Variants in RGS6 observed in about 807,000 individuals in gnomAD.
RGS6 encodes regulator of G-protein signaling 6.
RGS6 carries 30 observed loss-of-function variants against 78.5 expected under a neutral mutation model. The ratio of observed to expected loss-of-function variants is 0.38; its 90% CI spans 0.29 to 0.52. The LOEUF is 0.52. Ranked by LOEUF, RGS6 falls within the 20% of genes least tolerant of loss-of-function variation. The pLI is 0.85. For missense variants in RGS6, 495 were observed against 609.7 expected (o/e 0.81, Z 1.98); for synonymous variants, 206 against 206.0 (o/e 1.00, Z 0.00).
chr14:72,361,336 GC>G (rs941081536), intron 3 of RGS6, among the ~76,000 whole-genome samples: 3 of 152,120 alleles, frequency 2.0e-5, no homozygotes, highest in African/African-American at 7.2e-5. Flanking sequence ...TAAAATGATT[GC>G]CCATTACATT....
intron 17 of RGS6, among the ~76,000 whole-genome samples, chr14:72,560,748 A>C (rs547153454): frequency 6.6e-6 from 1 of 151,464 alleles, no homozygotes; most frequent in African/African-American, 2.4e-5. Flanking sequence ...GGCTAAGTTT[A>C]GTGCACTTGA....
intron 3 of RGS6, among the ~76,000 whole-genome samples, chr14:72,407,628 G>A (rs1327240644): frequency 6.6e-6 from 1 of 152,212 alleles, no homozygotes; most frequent in Non-Finnish European, 1.5e-5. Context: ...TAAACCGGGA[G>A]AGGCTTCTAA....
At chr14:72,260,978 G>T (rs1234062387) in intron 2 of RGS6, among the ~76,000 whole-genome samples, 2 of 152,174 alleles carry the variant, frequency 1.3e-5, no homozygotes, top group Non-Finnish European at 2.9e-5. Flanking sequence ...TTGTCCAGAG[G>T]TGGCCTTTTG....
chr14:72,489,576 T>G (rs1242108719), intron 12 of RGS6, among the ~76,000 whole-genome samples: 1 of 152,194 alleles, frequency 6.6e-6, no homozygotes, highest in Non-Finnish European at 1.5e-5. Flanking sequence ...CAATGACAAG[T>G]GTCCTCATAA....
intron 2 of RGS6, among the ~76,000 whole-genome samples, chr14:72,021,074 C>G (rs1052946803): frequency 6.6e-6 from 1 of 152,214 alleles, no homozygotes; most frequent in African/African-American, 2.4e-5. Context: ...GGAACAAACT[C>G]TTTCTGTTCT....
At chr14:72,123,758 C>T (rs1041275055) in intron 2 of RGS6, among the ~76,000 whole-genome samples, 12 of 152,120 alleles carry the variant, frequency 7.9e-5, no homozygotes, top group Admixed American at 2.0e-4. Context: ...TATATAAGCA[C>T]GTTATGGAAA....
chr14:72,018,901 G>T (rs1406142771), intron 2 of RGS6, among the ~76,000 whole-genome samples: 1 of 152,152 alleles, frequency 6.6e-6, no homozygotes, highest in East Asian at 1.9e-4. Flanking sequence ...GTTCAGCTAT[G>T]AATTTAAAAA....
chr14:71,934,005 T>C (rs907425495), intron 1 of RGS6, among the ~76,000 whole-genome samples: 3 of 152,224 alleles, frequency 2.0e-5, no homozygotes, highest in Non-Finnish European at 4.4e-5. Flanking sequence ...GGCTCTTACA[T>C]ATCAATTTTC....
At chr14:72,118,640 A>T (rs1410795277) in intron 2 of RGS6, among the ~76,000 whole-genome samples, 1 of 152,238 alleles carries the variant, frequency 6.6e-6, no homozygotes, top group African/African-American at 2.4e-5. Flanking sequence ...ACAGGGTCAT[A>T]GCCCTGGACA....
chr14:72,093,114 A>G (rs907243737), intron 2 of RGS6, among the ~76,000 whole-genome samples: 1 of 152,120 alleles, frequency 6.6e-6, no homozygotes, highest in Non-Finnish European at 1.5e-5. Flanking sequence ...AACATGACCA[A>G]CATGATTGAA....
chr14:72,316,226 C>A (rs2070160282), intron 2 of RGS6, among the ~76,000 whole-genome samples: 1 of 152,076 alleles, frequency 6.6e-6, no homozygotes, highest in African/African-American at 2.4e-5. Flanking sequence ...TCTCTTTTGT[C>A]TTTTTATTTT....
chr14:72,186,736 C>T (rs766864967), intron 2 of RGS6, among the ~76,000 whole-genome samples: 13 of 152,034 alleles, frequency 8.6e-5, no homozygotes, highest in Non-Finnish European at 1.5e-4. Flanking sequence ...GCAAAAATAG[C>T]AGGCTTGTCC....
chr14:72,347,025 C>T (rs955919896), intron 2 of RGS6, among the ~76,000 whole-genome samples: 6 of 152,218 alleles, frequency 3.9e-5, no homozygotes, highest in Non-Finnish European at 8.8e-5. Flanking sequence ...GTGGCTGTGG[C>T]CCATCCAGGC....
At chr14:71,995,697 C>G (rs1307866173) in intron 2 of RGS6, among the ~76,000 whole-genome samples, 3 of 152,182 alleles carry the variant, frequency 2.0e-5, no homozygotes, top group African/African-American at 4.8e-5. Flanking sequence ...CCCTTATATT[C>G]TTATGTAGTC....
intron 2 of RGS6, among the ~76,000 whole-genome samples, chr14:72,104,202 C>G (rs187108529): frequency 6.6e-6 from 1 of 152,062 alleles, no homozygotes; most frequent in African/African-American, 2.4e-5. Context: ...TTGCTCTCTC[C>G]CCCTCTAGGT....
At chr14:72,089,996 T>A (rs1251775249) in intron 2 of RGS6, among the ~76,000 whole-genome samples, 3 of 151,282 alleles carry the variant, frequency 2.0e-5, no homozygotes, top group African/African-American at 7.3e-5. Flanking sequence ...TTGTAAGACA[T>A]CAGGTAAATA....
chr14:72,473,240 A>G lies in RGS6; in HGVS notation c.618+287A>G, dbSNP rs369305254. On this transcript the variant is annotated intron_variant, in intron 9 of 17. Transcript: ENST00000553525. The stretch of plus-strand genomic sequence containing the variant: ...GGGTGGATCACGAGGTCAGTCGATC[A>G]AGACCATCCTGGCTAACACGGTGAA... 9.8e-5 allele frequency among the ~76,000 whole-genome samples: 15 copies of G among 152,322 alleles called. 1 individual carries two copies. Among genetic ancestry groups the G allele is most frequent in the South Asian group, 6.2e-4 (3 of 4,832 alleles).
intron 12 of RGS6, among the ~76,000 whole-genome samples, chr14:72,482,061 C>T (rs1276221427): frequency 3.9e-5 from 6 of 152,146 alleles, no homozygotes; most frequent in Non-Finnish European, 5.9e-5. Flanking sequence ...CCGCCCGCCT[C>T]GGCCTCCCAA....
At chr14:72,237,131 C>T (rs926192764) in intron 2 of RGS6, among the ~76,000 whole-genome samples, 7 of 152,134 alleles carry the variant, frequency 4.6e-5, no homozygotes, top group Non-Finnish European at 8.8e-5. Context: ...GACTTTTTCA[C>T]GCAGCACATT....
Sources: allele counts gnomAD v4.1 joint callset (sites outside exome capture counted in the v4.1 genomes callset), GRCh38; gene constraint gnomAD v4.1.1; transcripts MANE v1.5; gene names NCBI Gene and HGNC (gene_info 2026-07-23, HGNC 2026-07-21).